MBD2: variants seen among roughly 807,000 people sequenced by gnomAD.
MBD2 encodes methyl-CpG binding domain protein 2.
In MBD2, 9 loss-of-function variants were observed where a neutral mutation model predicts 39.3. The ratio of observed to expected loss-of-function variants is 0.23; its 90% confidence interval spans 0.14 to 0.40. The LOEUF (loss-of-function observed/expected upper bound fraction) is 0.40, where lower values mean the gene tolerates loss of function less well. Among genes scored for constraint, MBD2 ranks in the 10% least tolerant of loss-of-function variants. The pLI is 1.00. For synonymous variants in MBD2, 233 were observed against 211.1 expected, an observed-to-expected ratio of 1.10 and a Z score of -0.90; for missense variants, 458 against 532.6, an observed-to-expected ratio of 0.86 and a Z score of 1.38.
At chr18:54,189,124 C>G in intron 2 of MBD2, 113 bp from the exon 3 acceptor site, 3 of 656,352 alleles carry the variant, frequency 4.6e-6, no homozygotes, top group South Asian at 3.8e-5. Flanking sequence ...ACTTCTCAGT[C>G]TATCGCAGCA....
At chr18:54,207,660 T>C (rs1356860690) in intron 1 of MBD2, among the ~76,000 whole-genome samples, 4 of 152,248 alleles carry the variant, frequency 2.6e-5, no homozygotes, top group African/African-American at 9.6e-5. Flanking sequence ...TAATGTGTTT[T>C]ACCACATAAG....
At chr18:54,199,950 A>T (rs1003308795) in intron 2 of MBD2, among the ~76,000 whole-genome samples, 2 of 152,120 alleles carry the variant, frequency 1.3e-5, no homozygotes, top group East Asian at 3.8e-4. Context: ...TCTCCACAAA[A>T]TTTTTTATTA....
chr18:54,203,522 A>G (rs1303852650), intron 2 of MBD2, among the ~76,000 whole-genome samples: 1 of 152,216 alleles, frequency 6.6e-6, no homozygotes, highest in East Asian at 1.9e-4. Context: ...AGCAATACAG[A>G]GGCAATTTAG....
At chr18:54,192,756 G>T (rs609791) in intron 2 of MBD2, among the ~76,000 whole-genome samples, 2 of 152,072 alleles carry the variant, frequency 1.3e-5, no homozygotes, top group Admixed American at 6.5e-5. Flanking sequence ...GCATGGAACA[G>T]GTCAAACTAT....
intron 2 of MBD2, among the ~76,000 whole-genome samples, chr18:54,202,172 AACTCTACTAAAAAT>A (rs2086413484): frequency 6.6e-6 from 1 of 151,744 alleles, no homozygotes; most frequent in African/African-American, 2.4e-5. Flanking sequence ...ACGAAACCCC[AACTCTACTAAAAAT>A]ACAAAAATTA....
chr18:54,182,371 T>C (rs948917143), intron 3 of MBD2, among the ~76,000 whole-genome samples: 4 of 152,154 alleles, frequency 2.6e-5, no homozygotes, highest in Non-Finnish European at 1.5e-5. Context: ...TTGATGTCAC[T>C]TGAGAGATGA....
chr18:54,180,890 A>ATTTTTTTT (rs1568083459), intron 3 of MBD2, among the ~76,000 whole-genome samples: 9 of 114,556 alleles, frequency 7.9e-5, no homozygotes, highest in African/African-American at 2.6e-4. Context: ...GTATTCCTTA[A>ATTTTTTTT]TTTTTTCTTT....
rs945196745 is a variant in MBD2 at position 54,209,396 on chromosome 18, TAGA to T, written c.543-4242_543-4240del. ...TAAGTTGGCAATGAAGGAAAAAAGG[TAGA>T]AGTTTTAACTATTAGCATATCCAAA... On this transcript the variant is annotated intron_variant, in intron 1 of 6. Transcript: ENST00000256429. Among the ~76,000 whole-genome samples, 8 of 149,866 alleles carry T rather than the reference TAGA, an allele frequency of 5.3e-5. 1 individual carries two copies. In the South Asian group the frequency reaches 1.7e-3, roughly 31 times the overall value.
intron 2 of MBD2, among the ~76,000 whole-genome samples, chr18:54,197,722 C>T (rs182875833): frequency 3.3e-4 from 50 of 152,286 alleles, no homozygotes; most frequent in South Asian, 8.3e-4. Flanking sequence ...TCTATCTCCA[C>T]GGGCACGCGT....
At chr18:54,181,354 C>T (rs965340836) in intron 3 of MBD2, among the ~76,000 whole-genome samples, 4 of 152,148 alleles carry the variant, frequency 2.6e-5, no homozygotes, top group Admixed American at 6.5e-5. Flanking sequence ...TTTTCTACCA[C>T]TCAAATTCAT....
intron 2 of MBD2, among the ~76,000 whole-genome samples, chr18:54,194,019 A>G (rs113616094): frequency 0.032 from 4,840 of 152,250 alleles, 258 homozygotes; most frequent in African/African-American, 0.11. Context: ...ATGATCTCAC[A>G]TGATTAAGGA....
At chr18:54,209,834 T>G (rs140085981) in intron 1 of MBD2, among the ~76,000 whole-genome samples, 1 of 152,192 alleles carries the variant, frequency 6.6e-6, no homozygotes, top group Non-Finnish European at 1.5e-5. Flanking sequence ...AAAAAGACTG[T>G]CACCTAAGTT....
In MBD2 at chr18:54,224,571, C is replaced by T. The variant is rs2086647167; in HGVS notation, c.-12G>A. On this transcript the variant is annotated 5_prime_UTR_variant, in exon 1 of 7. Coordinates refer to ENST00000256429, the MANE Select transcript of MBD2 (RefSeq NM_003927.5). ...GGGTGCGCGCGCATCCAGCCCCCTC[C>T]CCAGCCGGCGCTGCGCTTCTTCCGT... The T allele has an allele frequency of 1.3e-5, 16 of 1,223,912 alleles. No homozygotes were observed. The highest frequency in any genetic ancestry group is 1.6e-5 in the African/African-American group (1 of 64,040). 75.8% of individuals were successfully genotyped at this position (1,223,912 alleles called of 1,614,324 possible). A position where few individuals can be genotyped will look rare whatever the true frequency, so the allele number is the denominator to read the frequency against.
chr18:54,214,719 C>T (rs756472315), intron 1 of MBD2, among the ~76,000 whole-genome samples: 5 of 149,096 alleles, frequency 3.4e-5, no homozygotes, highest in East Asian at 2.0e-4. Flanking sequence ...AAAATTTCCA[C>T]GAGGTAGAAT....
chr18:54,219,236 CTGA>C (rs1367345280), intron 1 of MBD2, among the ~76,000 whole-genome samples: 2 of 152,198 alleles, frequency 1.3e-5, no homozygotes, highest in African/African-American at 4.8e-5. Flanking sequence ...TACCTTCACA[CTGA>C]TGATGAAAAT....
intron 1 of MBD2, among the ~76,000 whole-genome samples, chr18:54,216,512 G>A (rs1418751904): frequency 6.6e-6 from 1 of 152,192 alleles, no homozygotes; most frequent in Non-Finnish European, 1.5e-5. Flanking sequence ...ACACTGAGGA[G>A]GTTCAGAATC....
chr18:54,155,231 T>C lies in MBD2; in HGVS notation c.*93A>G, dbSNP rs1051403992. On this transcript the variant is annotated 3_prime_UTR_variant, in exon 7 of 7. Coordinates refer to ENST00000256429, the MANE Select transcript of MBD2 (RefSeq NM_003927.5). ...CTCTATGTGCTCGGGTACATTTTTTTTCTTACAGGCAAAAGCCAGTGGAAA... is the reference window on the plus strand; with the variant it reads ...CTCTATGTGCTCGGGTACATTTTTTCTCTTACAGGCAAAAGCCAGTGGAAA... 1.3e-5 allele frequency: 2 copies of C among 152,302 alleles called. No individual in the cohort carries two copies. The highest frequency in any genetic ancestry group is 2.9e-5 in the Non-Finnish European group (2 of 68,038). The allele number at this position is 152,302 out of a possible 1,614,324, so 9.4% of individuals were successfully genotyped here.
chr18:54,208,907 C>T (rs1037150559), intron 1 of MBD2, among the ~76,000 whole-genome samples: 2 of 152,216 alleles, frequency 1.3e-5, no homozygotes, highest in Admixed American at 6.5e-5. Context: ...GCTATACTCA[C>T]GAAATGTGAT....
In MBD2 at chr18:54,164,424, T is replaced by C. The variant is rs555950165; in HGVS notation, c.1109+99A>G. On this transcript the variant is annotated intron_variant, in intron 5 of 6. Transcript: ENST00000256429. ...AAGAAAAGTATAACTTTCTAGGTGA[T>C]ATATCACTTACTAGATATGCCACTG... is the stretch of plus-strand genomic sequence containing the variant. The C allele has an allele frequency of 2.9e-4, 294 of 1,006,172 alleles. 4 individuals are homozygous for C. In the South Asian group the frequency reaches 3.1e-3, roughly 11 times the overall value. The allele number at this position is 1,006,172 out of a possible 1,614,324, so 62.3% of individuals were successfully genotyped here.
Sources: gnomAD v4.1 joint callset for allele counts (sites outside exome capture counted in the v4.1 genomes callset) on GRCh38, gnomAD v4.1.1 for gene constraint, MANE v1.5 for transcripts, NCBI Gene and HGNC (gene_info 2026-07-23, HGNC 2026-07-21) for gene names.